Variants in SH3RF3 observed in about 807,000 individuals in gnomAD.
SH3RF3 encodes E3 ubiquitin-protein ligase SH3RF3.
In SH3RF3, 29 loss-of-function variants were observed where a neutral mutation model predicts 66.3. The observed-to-expected ratio is 0.44, with a 90% CI of 0.33 to 0.60. The LOEUF (loss-of-function observed/expected upper bound fraction) is 0.60, where lower values mean the gene tolerates loss of function less well. Ranked by LOEUF, SH3RF3 falls within the 20% of genes least tolerant of loss-of-function variation. The probability of loss-of-function intolerance (pLI) is 0.04; values close to 1 mark genes in which losing one functional copy is unlikely to be tolerated. For synonymous variants in SH3RF3, 583 were observed against 532.0 expected (o/e 1.10, Z -1.32); for missense variants, 1,194 against 1,190.9 (o/e 1.00, Z -0.04).
At chr2:109,444,886 A>C (rs1393230360) in intron 7 of SH3RF3, among the ~76,000 whole-genome samples, 2 of 152,234 alleles carry the variant, frequency 1.3e-5, no homozygotes, top group East Asian at 3.8e-4. Context: ...CTTTGAAATC[A>C]GTATGTTTAA....
intron 1 of SH3RF3, among the ~76,000 whole-genome samples, chr2:109,295,244 A>G (rs1018416726): frequency 6.6e-6 from 1 of 152,066 alleles, no homozygotes; most frequent in Non-Finnish European, 1.5e-5. Context: ...CTTTGCACAC[A>G]CTCCCTCGCT....
At chr2:109,344,250 C>T (rs1029331418) in intron 1 of SH3RF3, among the ~76,000 whole-genome samples, 1 of 152,072 alleles carries the variant, frequency 6.6e-6, no homozygotes, top group African/African-American at 2.4e-5. Flanking sequence ...GGAAGGTGGC[C>T]GATGGAGTTA....
intron 4 of SH3RF3, among the ~76,000 whole-genome samples, chr2:109,411,210 G>T (rs1676580495): frequency 6.6e-6 from 1 of 152,198 alleles, no homozygotes; most frequent in Non-Finnish European, 1.5e-5. Context: ...CATTGGTTGG[G>T]GGCTGAAAGT....
chr2:109,258,110 C>A (rs1489591271), intron 1 of SH3RF3, among the ~76,000 whole-genome samples: 1 of 152,188 alleles, frequency 6.6e-6, no homozygotes, highest in Non-Finnish European at 1.5e-5. Context: ...GCTTAACCGG[C>A]CCAGACATTG....
intron 1 of SH3RF3, among the ~76,000 whole-genome samples, chr2:109,279,167 C>T (rs1680825854): frequency 6.6e-6 from 1 of 152,126 alleles, no homozygotes; most frequent in Admixed American, 6.6e-5. Flanking sequence ...GAGCTGTGGT[C>T]CGGATTCCAT....
intron 3 of SH3RF3, among the ~76,000 whole-genome samples, chr2:109,396,896 G>C (rs188223949): frequency 6.6e-6 from 1 of 152,228 alleles, no homozygotes; most frequent in Admixed American, 6.5e-5. Flanking sequence ...TCCCACCTTC[G>C]TGGATCTCAC....
At chr2:109,179,621 G>C (rs1343229101) in intron 1 of SH3RF3, among the ~76,000 whole-genome samples, 1 of 152,076 alleles carries the variant, frequency 6.6e-6, no homozygotes. Flanking sequence ...TATGGTGGAG[G>C]GTATCACATG....
rs1679383290 is a variant in SH3RF3 at position 109,501,496 on chromosome 2, T to G, written c.2481-7T>G. Reference sequence around the variant, plus strand: ...TGTGGGGCTCACCCACTGTGCTGTTTCCCCAGGTACCGCGTGGTGGTCTCG... The same window carrying G: ...TGTGGGGCTCACCCACTGTGCTGTTGCCCCAGGTACCGCGTGGTGGTCTCG... On this transcript the variant is annotated splice_polypyrimidine_tract_variant and splice_region_variant and intron_variant, in intron 9 of 9. Transcript: ENST00000309415. 7.7e-6 allele frequency: 6 copies of G among 776,012 alleles called. No homozygotes were observed. In the East Asian group the frequency reaches 1.2e-4, roughly 16 times the overall value. The allele number at this position is 776,012 out of a possible 1,614,324, so 48.1% of individuals were successfully genotyped here.
At chr2:109,464,525 C>G (rs1171886359) in intron 8 of SH3RF3, among the ~76,000 whole-genome samples, 1 of 152,200 alleles carries the variant, frequency 6.6e-6, no homozygotes, top group Non-Finnish European at 1.5e-5. Context: ...CATACATAGC[C>G]TTGCATACAT....
chr2:109,352,602 C>T (rs941640898), intron 2 of SH3RF3, among the ~76,000 whole-genome samples: 4 of 152,238 alleles, frequency 2.6e-5, no homozygotes, highest in East Asian at 1.9e-4. Context: ...CGGAGCTCCA[C>T]GTCGTTCTCT....
chr2:109,314,617 C>A (rs1681826832), intron 1 of SH3RF3, among the ~76,000 whole-genome samples: 1 of 152,236 alleles, frequency 6.6e-6, no homozygotes, highest in Non-Finnish European at 1.5e-5. Context: ...GTCTGTCACT[C>A]TCCATGGTCT....
chr2:109,417,362 T>C (rs138298666), intron 4 of SH3RF3, among the ~76,000 whole-genome samples: 21 of 152,280 alleles, frequency 1.4e-4, no homozygotes, highest in African/African-American at 5.1e-4. Context: ...CCTGGCATTG[T>C]TGGGGACACC....
At chr2:109,154,444 G>A (rs570097081) in intron 1 of SH3RF3, among the ~76,000 whole-genome samples, 2 of 152,304 alleles carry the variant, frequency 1.3e-5, no homozygotes, top group Non-Finnish European at 2.9e-5. Flanking sequence ...AGCATCATGG[G>A]CACGGCTCCT....
At chr2:109,270,310 T>A (rs970001687) in intron 1 of SH3RF3, among the ~76,000 whole-genome samples, 1 of 152,146 alleles carries the variant, frequency 6.6e-6, no homozygotes, top group African/African-American at 2.4e-5. Flanking sequence ...AGCAGCCCTG[T>A]TGGAGTGCCG....
At chr2:109,199,602 T>TCGTTCC (rs1558953936) in intron 1 of SH3RF3, among the ~76,000 whole-genome samples, 1 of 340 alleles carries the variant, frequency 2.9e-3, no homozygotes. Context: ...TGGAATGGAA[T>TCGTTCC]GGAATGGAAT....
intron 8 of SH3RF3, among the ~76,000 whole-genome samples, chr2:109,458,597 A>AGAGAGAGAGAGAGAGT (rs1286372576): frequency 3.3e-5 from 5 of 150,474 alleles, no homozygotes; most frequent in African/African-American, 1.2e-4. Context: ...AGAGAGAGAG[A>AGAGAGAGAGAGAGAGT]GAGAATTTAT....
chr2:109,474,545 C>G (rs955087923), intron 8 of SH3RF3, among the ~76,000 whole-genome samples: 3 of 152,160 alleles, frequency 2.0e-5, no homozygotes, highest in Non-Finnish European at 2.9e-5. Flanking sequence ...GATTACAGTC[C>G]GAACCGCACG....
At chr2:109,465,646 G>A (rs933235405) in intron 8 of SH3RF3, among the ~76,000 whole-genome samples, 29 of 152,310 alleles carry the variant, frequency 1.9e-4, no homozygotes, top group Admixed American at 8.5e-4. Flanking sequence ...AAAGAAAAGA[G>A]GTTTAATTGG....
intron 9 of SH3RF3, among the ~76,000 whole-genome samples, chr2:109,491,516 G>A (rs1241723694): frequency 1.3e-5 from 2 of 152,106 alleles, no homozygotes; most frequent in Admixed American, 1.3e-4. Flanking sequence ...ACATAGTTCA[G>A]CCTAGGTTTT....
Sources: allele counts gnomAD v4.1 joint callset (sites outside exome capture counted in the v4.1 genomes callset), GRCh38; gene constraint gnomAD v4.1.1; transcripts MANE v1.5; gene names NCBI Gene and HGNC (gene_info 2026-07-23, HGNC 2026-07-21).